AGTPBP1: variants seen among roughly 807,000 people sequenced by gnomAD.
AGTPBP1 encodes the protein ATP/GTP binding carboxypeptidase 1.
In AGTPBP1, 70 loss-of-function variants were observed where a neutral mutation model predicts 143.9. The ratio of observed to expected loss-of-function variants is 0.49; its 90% CI spans 0.40 to 0.59. The LOEUF (loss-of-function observed/expected upper bound fraction) is 0.59, where lower values mean the gene tolerates loss of function less well. Ranked by LOEUF, AGTPBP1 falls within the 20% of genes least tolerant of loss-of-function variation. AGTPBP1 has a pLI of 0.00. For synonymous variants in AGTPBP1, 463 were observed against 500.2 expected, an observed-to-expected ratio of 0.93 and a Z score of 0.99; for missense variants, 1,229 against 1,464.5, an observed-to-expected ratio of 0.84 and a Z score of 2.62.
intron 17 of AGTPBP1, among the ~76,000 whole-genome samples, chr9:85,598,186 T>C (rs1450628117): frequency 6.6e-6 from 1 of 152,112 alleles, no homozygotes; most frequent in Non-Finnish European, 1.5e-5. Context: ...CTCTCTCCCC[T>C]GATGTCCCTA....
chr9:85,632,757 G>A lies in AGTPBP1; in HGVS notation c.1920C>T (p.Val640=), dbSNP rs749759564. 1.2e-5 allele frequency: 20 copies of A among 1,613,982 alleles called. No homozygotes were observed. The highest frequency in any genetic ancestry group is 1.7e-5 in the Non-Finnish European group (20 of 1,180,006). ...YIEIVKNTKS[V]PEYSEVAYPD... ...GATAAGCCACCTCTGAATATTCTGG[G>A]ACAGACTTCGTATTTTTCACAATCT... is the stretch of plus-strand genomic sequence containing the variant. The change falls in exon 14 of 26, where the codon GTC becomes GTT. Residue 640 remains valine (V), a synonymous_variant. Transcript: ENST00000357081.
rs949888097 is a variant in AGTPBP1, at chr9:85,737,059, T to C, written c.-34+4716A>G. On this transcript the variant is annotated intron_variant, in intron 1 of 25. Transcript: ENST00000357081. Reference sequence around the variant, plus strand: ...AAGCGGAGCTTGCAGTGAGCAGAGATTGCACCACTGCACTCCAGCCTGGGC... The same window carrying C: ...AAGCGGAGCTTGCAGTGAGCAGAGACTGCACCACTGCACTCCAGCCTGGGC... 3.9e-5 allele frequency among the ~76,000 whole-genome samples: 6 copies of C among 152,076 alleles called. 1 individual carries two copies. The highest frequency in any genetic ancestry group is 2.1e-4 in the South Asian group (1 of 4,822).
intron 6 of AGTPBP1, among the ~76,000 whole-genome samples, chr9:85,673,770 G>T (rs551998809): frequency 5.9e-5 from 9 of 152,110 alleles, no homozygotes; most frequent in Non-Finnish European, 1.2e-4. Context: ...AATACTACAT[G>T]TAAGAAATCT....
At position 85,712,491 on chromosome 9, in the gene AGTPBP1, A is replaced by G; in HGVS notation, c.32+11T>C. 6.9e-7 allele frequency: 1 copy of G among 1,459,696 alleles called. No homozygotes were observed. The highest frequency in any genetic ancestry group is 9.3e-7 in the Non-Finnish European group (1 of 1,075,488). 90.4% of individuals were successfully genotyped at this position (1,459,696 alleles called of 1,614,324 possible). ...GTAACTTATGCATACTGATATTCAG[A>G]ATTACAGTACCTTTTTTCTGGTATC... On this transcript the variant is annotated intron_variant, in intron 2 of 25. Coordinates refer to ENST00000357081, the MANE Select transcript of AGTPBP1 (RefSeq NM_001330701.2).
intron 19 of AGTPBP1, among the ~76,000 whole-genome samples, chr9:85,592,351 C>G (rs1467298395): frequency 3.3e-5 from 5 of 151,790 alleles, no homozygotes; most frequent in Admixed American, 6.6e-5. Context: ...AACACTAAAC[C>G]CTTTTCTTAT....
At chr9:85,777,364 C>T in the AGTPBP1 span, among the ~76,000 whole-genome samples, 83 of 150,534 alleles carry the variant, frequency 5.5e-4, no homozygotes, top group African/African-American at 1.7e-3. Context: ...GGTAGCTCGC[C>T]GATCACCCTG....
chr9:85,688,372 C>T (rs1835631192), intron 3 of AGTPBP1, among the ~76,000 whole-genome samples: 2 of 152,048 alleles, frequency 1.3e-5, no homozygotes, highest in Admixed American at 6.5e-5. Context: ...AGCAACATCT[C>T]GGGCTTCTAT....
At chr9:85,771,534 C>A in the AGTPBP1 span, among the ~76,000 whole-genome samples, 1 of 152,152 alleles carries the variant, frequency 6.6e-6, no homozygotes, top group East Asian at 1.9e-4. Context: ...TTATGCACAG[C>A]CTCCTCTTGG....
the AGTPBP1 span, among the ~76,000 whole-genome samples, chr9:85,772,297 C>T: frequency 6.6e-6 from 1 of 152,158 alleles, no homozygotes; most frequent in African/African-American, 2.4e-5. Flanking sequence ...TAAAGCAAGG[C>T]AACCTGGCTA....
At chr9:85,587,953 A>T (rs781719534) in intron 21 of AGTPBP1, among the ~76,000 whole-genome samples, 1 of 146,304 alleles carries the variant, frequency 6.8e-6, no homozygotes, top group Admixed American at 6.7e-5. Flanking sequence ...TGCCACTAAT[A>T]AAAAAAAAAT....
intron 14 of AGTPBP1, among the ~76,000 whole-genome samples, chr9:85,626,442 C>G (rs1231767235): frequency 6.6e-6 from 1 of 152,092 alleles, no homozygotes; most frequent in East Asian, 1.9e-4. Context: ...CATTCATTTA[C>G]AATGCATTCA....
In AGTPBP1 at chr9:85,642,916, T is replaced by G; in HGVS notation, c.1213A>C (p.Lys405Gln). 1.2e-6 allele frequency: 2 copies of G among 1,613,108 alleles called. No homozygotes were observed. Among genetic ancestry groups the G allele is most frequent in the Non-Finnish European group, 1.7e-6 (2 of 1,179,492 alleles). ...KNDDIETDIN[K>Q]LKPQQEPGRT... ...CCCGGTTCTTGCTGGGGTTTTAGTTTGTTAATATCTGTTTCAATATCATCA... is the reference window on the plus strand; with the variant it reads ...CCCGGTTCTTGCTGGGGTTTTAGTTGGTTAATATCTGTTTCAATATCATCA... The change falls in exon 13 of 26, where the codon AAA (lysine) becomes CAA (glutamine). Residue 405 changes from lysine to glutamine, a missense_variant. Physicochemically the swap from Lys to Gln is moderately conservative, Grantham distance 53 (BLOSUM62 1). Transcript: ENST00000357081.
chr9:85,687,980 C>A (rs1835590889), intron 3 of AGTPBP1, among the ~76,000 whole-genome samples: 1 of 150,556 alleles, frequency 6.6e-6, no homozygotes, highest in Non-Finnish European at 1.5e-5. Context: ...AATCCAGCTA[C>A]TCAGGGGGCT....
At chr9:85,582,955 A>G (rs1828367533) in intron 23 of AGTPBP1, among the ~76,000 whole-genome samples, 1 of 152,144 alleles carries the variant, frequency 6.6e-6, no homozygotes, top group South Asian at 2.1e-4. Flanking sequence ...AGAATCTGAG[A>G]TACTAAGATT....
At position 85,657,631 on chromosome 9, in the gene AGTPBP1, C is replaced by T. The variant is rs754404939; in HGVS notation, c.713G>A (p.Arg238Lys). The change falls in exon 10 of 26, where the codon AGG (arginine) becomes AAG (lysine). Residue 238 changes from arginine (R) to lysine (K), a missense_variant. Physicochemically the swap from Arg to Lys is conservative, Grantham distance 26. Coordinates refer to ENST00000357081, the MANE Select transcript of AGTPBP1 (RefSeq NM_001330701.2). ...AALLKSKTNA[R>K]RAVDRGYVQV... is the part of the protein sequence containing the mutation. ...GACATATCCTCTGTCTACAGCTCTC[C>T]TGGCATTTGTTTCTTTAACAAAAGA... 1 of 1,599,372 alleles carries T rather than the reference C, an allele frequency of 6.3e-7. No homozygotes were observed. The highest frequency in any genetic ancestry group is 8.5e-7 in the Non-Finnish European group (1 of 1,174,514).
At chr9:85,727,581 G>A (rs1263746694) in intron 1 of AGTPBP1, among the ~76,000 whole-genome samples, 1 of 152,178 alleles carries the variant, frequency 6.6e-6, no homozygotes, top group Non-Finnish European at 1.5e-5. Flanking sequence ...TATCTAAGCT[G>A]AAAGACGAAT....
intron 1 of AGTPBP1, among the ~76,000 whole-genome samples, chr9:85,721,022 T>A (rs981760527): frequency 2.0e-5 from 3 of 152,216 alleles, no homozygotes; most frequent in African/African-American, 7.2e-5. Flanking sequence ...TGCACTGTGG[T>A]CTGAGAGATA....
At chr9:85,672,965 C>T (rs1416252028) in intron 6 of AGTPBP1, among the ~76,000 whole-genome samples, 4 of 151,970 alleles carry the variant, frequency 2.6e-5, no homozygotes, top group African/African-American at 4.8e-5. Flanking sequence ...AAACTCCTGA[C>T]CTCAAGTGAT....
At chr9:85,565,279 A>G (rs1224303280) in intron 25 of AGTPBP1, among the ~76,000 whole-genome samples, 1 of 152,244 alleles carries the variant, frequency 6.6e-6, no homozygotes, top group Non-Finnish European at 1.5e-5. Flanking sequence ...AATTTATAAC[A>G]GATACTGTAT....
Sources: allele counts gnomAD v4.1 joint callset (sites outside exome capture counted in the v4.1 genomes callset), GRCh38; gene constraint gnomAD v4.1.1; transcripts MANE v1.5; gene names NCBI Gene and HGNC (gene_info 2026-07-23, HGNC 2026-07-21).